The following RYR1 variants were observed in gnomAD, a reference collection of about 807,000 sequenced individuals.
RYR1 encodes ryanodine receptor 1.
A neutral mutation model predicts 583.5 loss-of-function variants in RYR1; 342 were observed. The ratio of observed to expected loss-of-function variants is 0.59; its 90% confidence interval spans 0.54 to 0.64. The LOEUF is 0.64. Among genes scored for constraint, RYR1 ranks in the 30% least tolerant of loss-of-function variants. The pLI, the probability that RYR1 is intolerant of heterozygous loss-of-function variation, is 0.00. For synonymous variants in RYR1, 2,791 were observed against 2,822.5 expected (o/e 0.99, Z 0.35); for missense variants, 6,032 against 6,917.2 (o/e 0.87, Z 4.54).
In RYR1 at chr19:38,466,409, A is replaced by G. The variant is rs1218216636; in HGVS notation, c.3178+11A>G. 2 of 1,538,346 alleles carry G rather than the reference A, an allele frequency of 1.3e-6. No homozygotes were observed. Among genetic ancestry groups the G allele is most frequent in the African/African-American group, 2.8e-5 (2 of 71,260 alleles). ...CTGACCAGGAGCCCAGTGAGTGCTC[A>G]CCCCTGGCCCTGGCCCTGACTCCTA... On this transcript the variant is annotated intron_variant, in intron 24 of 105. Transcript: ENST00000359596.
intron 5 of RYR1, among the ~76,000 whole-genome samples, 169 bp downstream of exon 5, chr19:38,443,965 T>C (rs534775172): frequency 8.0e-4 from 122 of 152,056 alleles, no homozygotes; most frequent in African/African-American, 2.8e-3. Flanking sequence ...CAGACACACG[T>C]TGGGGACCAC....
chr19:38,485,703 C>A lies in RYR1; in HGVS notation c.5048C>A (p.Ala1683Asp), dbSNP rs1389998468. The A allele has an allele frequency of 6.2e-7, 1 of 1,611,664 alleles. No homozygotes were observed. The highest frequency in any genetic ancestry group is 1.3e-5 in the African/African-American group (1 of 74,942). Reference sequence around the variant, plus strand: ...CTGGGCAACAATCGCGTGGCGCACGCTCTGTGCAGCCACGTAGACCAAGCT... The same window carrying A: ...CTGGGCAACAATCGCGTGGCGCACGATCTGTGCAGCCACGTAGACCAAGCT... Reference protein sequence around the residue: ...CALGNNRVAHALCSHVDQAQL... With the variant: ...CALGNNRVAHDLCSHVDQAQL... The change falls in exon 34 of 106, where the codon GCT becomes GAT. Residue 1683 changes from alanine (A) to aspartate (D), a missense_variant. Physicochemically the swap from Ala to Asp is moderately radical, Grantham distance 126 (BLOSUM62 -2). Transcript: ENST00000359596.
intron 2 of RYR1, among the ~76,000 whole-genome samples, chr19:38,441,789 G>C (rs963879341): frequency 2.6e-5 from 4 of 151,996 alleles, no homozygotes; most frequent in African/African-American, 9.7e-5. Context: ...GCAGAGTCTT[G>C]AGTTTAGGAG....
intron 89 of RYR1, among the ~76,000 whole-genome samples, chr19:38,553,804 A>G (rs1467924128): frequency 3.3e-5 from 5 of 151,290 alleles, no homozygotes; most frequent in Non-Finnish European, 7.3e-5. Context: ...ATGAAAATAC[A>G]AACAGATATT....
In RYR1 at chr19:38,444,523, C is replaced by T. The variant is rs531699337; in HGVS notation, c.538-61C>T. ...TCCACCCTTGATTTCTGGCCTCTGA[C>T]GCTGGGACTCTCGCCCACCCCTGCA... On this transcript the variant is annotated intron_variant, in intron 6 of 105. Coordinates refer to ENST00000359596, the MANE Select transcript of RYR1 (RefSeq NM_000540.3). The surrounding 1 kb of genome is among the most constrained non-coding windows in gnomAD (Gnocchi z 5.1). The T allele has an allele frequency of 6.7e-5, 97 of 1,444,836 alleles. 1 individual carries two copies. In the African/African-American group the frequency reaches 1.1e-3, roughly 17 times the overall value. 89.5% of individuals were successfully genotyped at this position (1,444,836 alleles called of 1,614,324 possible). A position where few individuals can be genotyped will look rare whatever the true frequency, so the allele number is the denominator to read the frequency against.
At position 38,457,099 on chromosome 19, in the gene RYR1, G is replaced by C. The variant is rs1399935357; in HGVS notation, c.1792-398G>C. On this transcript the variant is annotated intron_variant, in intron 16 of 105. Transcript: ENST00000359596. ...AATAACAAAAACCAGAATTACTTTT[G>C]CTCCAGCCTAATACATTTTCCACTT... Among the ~76,000 whole-genome samples, 4 of 138,042 alleles carry C rather than the reference G, an allele frequency of 2.9e-5. No homozygotes were observed. The South Asian group carries it at 6.9e-4, about 24-fold the overall frequency. 90.6% of individuals were successfully genotyped at this position (138,042 alleles called of 152,430 possible).
intron 69 of RYR1, 55 bp downstream of exon 69, chr19:38,523,364 AG>A: frequency 6.2e-7 from 1 of 1,602,152 alleles, no homozygotes; most frequent in Non-Finnish European, 8.5e-7. Flanking sequence ...AGCACCCTCT[AG>A]GACTTCCTAC....
In RYR1 at chr19:38,483,506, G is replaced by T; in HGVS notation, c.4924G>T (p.Glu1642Ter). Residue 1642 changes from glutamate (E) to a stop codon, truncating the protein, a stop_gained, in exon 33 of 106, where the codon GAG becomes TAG. Transcript: ENST00000359596. LOFTEE classifies it high-confidence loss of function. This position sits in a 1 kb window ranked among gnomAD's most constrained non-coding sequence, Gnocchi z 6.3. ...PLTMMALHIP[E>*]ENRCMDILEL... ...GACCATGATGGCGCTGCACATCCCCGAGGAGAACCGGTCAGGGCCAGCCCA... is the reference window on the plus strand; with the variant it reads ...GACCATGATGGCGCTGCACATCCCCTAGGAGAACCGGTCAGGGCCAGCCCA... The T allele has an allele frequency of 6.5e-7, 1 of 1,549,010 alleles. No individual in the cohort carries two copies. The highest frequency in any genetic ancestry group is 8.7e-7 in the Non-Finnish European group (1 of 1,151,148).
At chr19:38,463,135 C>T (rs1281279756) in intron 20 of RYR1, among the ~76,000 whole-genome samples, 14 of 56,180 alleles carry the variant, frequency 2.5e-4, no homozygotes, top group South Asian at 1.3e-3. Flanking sequence ...TGACCTCAGG[C>T]GATCTGCCCC....
intron 66 of RYR1, 64 bp downstream of exon 66, chr19:38,517,755 G>T: frequency 6.7e-7 from 1 of 1,487,678 alleles, no homozygotes. Flanking sequence ...TTGGCAGATG[G>T]TCTGAAAGGG....
At chr19:38,576,822 TGAAAG>T (rs771327915) in intron 97 of RYR1, among the ~76,000 whole-genome samples, 1 of 152,050 alleles carries the variant, frequency 6.6e-6, no homozygotes, top group African/African-American at 2.4e-5. Flanking sequence ...AAATACTAGT[TGAAAG>T]AGAGGAAGTT....
chr19:38,512,789 C>A lies in RYR1; in HGVS notation c.9472+306C>A, dbSNP rs1396507567. Among the ~76,000 whole-genome samples the A allele has an allele frequency of 6.6e-6, 1 of 151,242 alleles. No homozygotes were observed. The highest frequency in any genetic ancestry group is 6.6e-5 in the Admixed American group (1 of 15,176). On this transcript the variant is annotated intron_variant, in intron 63 of 105. Coordinates refer to ENST00000359596, the MANE Select transcript of RYR1 (RefSeq NM_000540.3). The surrounding 1 kb of genome is among the most constrained non-coding windows in gnomAD (Gnocchi z 5.1). ...GACCAGCTTGGGCAACATAGCGAGA[C>A]CCTGTCTCTACTAAAAAAAAAAAGA...
Position 38,467,816 on chromosome 19 carries a change from G to A in RYR1, c.3381+4G>A, listed in dbSNP as rs1163970502. ...CTATGTCTTCAATGGGCACCGCGTG[G>A]GTACCTCCCTGGGCACCATTCTGCC... On this transcript the variant is annotated splice_donor_region_variant and intron_variant, in intron 25 of 105. Coordinates refer to ENST00000359596, the MANE Select transcript of RYR1 (RefSeq NM_000540.3). 3.7e-6 allele frequency: 6 copies of A among 1,613,634 alleles called. No homozygotes were observed. The highest frequency in any genetic ancestry group is 1.1e-5 in the South Asian group (1 of 91,050).
At chr19:38,547,713 A>T (rs1227480990) in intron 88 of RYR1, among the ~76,000 whole-genome samples, 3 of 143,836 alleles carry the variant, frequency 2.1e-5, no homozygotes, top group African/African-American at 7.9e-5. Context: ...GTACATCATC[A>T]TTATCTTTTT....
intron 28 of RYR1, among the ~76,000 whole-genome samples, 153 bp downstream of exon 28, chr19:38,473,924 C>T (rs965910212): frequency 1.3e-5 from 2 of 152,152 alleles, no homozygotes; most frequent in Non-Finnish European, 2.9e-5. Context: ...ATCATGTCTC[C>T]AATGAACCCC....
chr19:38,446,587 G>A (rs1466755972), intron 8 of RYR1, 22 bp downstream of exon 8: 2 of 1,610,030 alleles, frequency 1.2e-6, no homozygotes, highest in Admixed American at 3.3e-5. Flanking sequence ...GGACGAGAGG[G>A]CCTGGGGTCT....
intron 89 of RYR1, among the ~76,000 whole-genome samples, chr19:38,560,729 C>CA (rs765130460): frequency 0.22 from 8,354 of 37,694 alleles, 1,055 homozygotes; most frequent in East Asian, 0.35. Flanking sequence ...AACTCCGTCT[C>CA]AAAAAAAAAA....
At position 38,587,257 on chromosome 19, in the gene RYR1, T is replaced by C. The variant is rs1023241959; in HGVS notation, c.15022-68T>C. ...AACAGAGCAACACCCTGTCTAAAAATATATATATATATATGTCTCAAGGGT... is the reference window on the plus strand; with the variant it reads ...AACAGAGCAACACCCTGTCTAAAAACATATATATATATATGTCTCAAGGGT... On this transcript the variant is annotated intron_variant, in intron 105 of 105. Coordinates refer to ENST00000359596, the MANE Select transcript of RYR1 (RefSeq NM_000540.3). 1.4e-5 allele frequency: 7 copies of C among 506,076 alleles called. No individual in the cohort carries two copies. In the South Asian group the frequency reaches 2.2e-4, roughly 16 times the overall value. The allele number at this position is 506,076 out of a possible 1,614,324, so 31.3% of individuals were successfully genotyped here. A position where few individuals can be genotyped will look rare whatever the true frequency, so the allele number is the denominator to read the frequency against.
chr19:38,447,049 TAAAATA>T (rs1972977882), intron 9 of RYR1, among the ~76,000 whole-genome samples: 1 of 150,796 alleles, frequency 6.6e-6, no homozygotes, highest in Non-Finnish European at 1.5e-5. Context: ...GCAAAAAAAA[TAAAATA>T]AAATAAATAA....
Sources: allele counts gnomAD v4.1 joint callset (sites outside exome capture counted in the v4.1 genomes callset), GRCh38; gene constraint gnomAD v4.1.1; non-coding constraint Gnocchi (gnomAD v3.1); transcripts MANE v1.5; gene names NCBI Gene and HGNC (gene_info 2026-07-23, HGNC 2026-07-21).